The following NCKAP5 variants were observed in gnomAD, a reference collection of about 807,000 sequenced individuals.
NCKAP5 encodes the protein NCK associated protein 5.
In NCKAP5, 92 loss-of-function variants were observed where a neutral mutation model predicts 167.0. The observed-to-expected ratio is 0.55, with a 90% CI of 0.47 to 0.66. The LOEUF (loss-of-function observed/expected upper bound fraction) is 0.66. Ranked by LOEUF, NCKAP5 falls within the 30% of genes least tolerant of loss-of-function variation. The pLI is 0.00. For synonymous variants in NCKAP5, 891 were observed against 877.4 expected (o/e 1.02, Z -0.27); for missense variants, 2,378 against 2,315.0 (o/e 1.03, Z -0.56).
intron 16 of NCKAP5, among the ~76,000 whole-genome samples, chr2:132,771,973 G>T (rs140660019): frequency 7.1e-4 from 107 of 150,954 alleles, no homozygotes; most frequent in African/African-American, 2.5e-3. Context: ...TTACAGGTGT[G>T]AGCCACTGCA....
At chr2:133,119,264 A>T (rs1270046307) in intron 6 of NCKAP5, among the ~76,000 whole-genome samples, 3 of 152,172 alleles carry the variant, frequency 2.0e-5, no homozygotes, top group Non-Finnish European at 4.4e-5. Flanking sequence ...TCAGCCTCCC[A>T]AAGTGCTGGG....
chr2:133,535,025 A>G (rs1176706709), intron 2 of NCKAP5, among the ~76,000 whole-genome samples: 4 of 152,304 alleles, frequency 2.6e-5, no homozygotes, highest in Middle Eastern at 3.4e-3. Context: ...ATAGCCACTT[A>G]TAAGTGGGTA....
chr2:133,312,835 CTG>C (rs745319195), intron 3 of NCKAP5, among the ~76,000 whole-genome samples: 2 of 152,294 alleles, frequency 1.3e-5, no homozygotes, highest in East Asian at 1.9e-4. Flanking sequence ...ACATGGCAAA[CTG>C]TGAAATACGA....
At chr2:133,043,627 G>T (rs1206226319) in intron 6 of NCKAP5, among the ~76,000 whole-genome samples, 1 of 152,194 alleles carries the variant, frequency 6.6e-6, no homozygotes, top group Non-Finnish European at 1.5e-5. Flanking sequence ...AGGGCCACAG[G>T]TTAGACAAGC....
At chr2:133,328,557 A>G (rs1028786978) in intron 3 of NCKAP5, among the ~76,000 whole-genome samples, 18 of 152,242 alleles carry the variant, frequency 1.2e-4, no homozygotes, top group Admixed American at 1.1e-3. Flanking sequence ...CTGCCTGGGC[A>G]GTCCTTGACA....
intron 8 of NCKAP5, among the ~76,000 whole-genome samples, chr2:132,902,168 T>C (rs901655103): frequency 6.6e-6 from 1 of 152,220 alleles, no homozygotes; most frequent in Non-Finnish European, 1.5e-5. Flanking sequence ...TTGTCTGTAC[T>C]GGAATGAAGT....
chr2:132,818,124 T>C (rs894806896), intron 11 of NCKAP5, among the ~76,000 whole-genome samples: 2 of 152,162 alleles, frequency 1.3e-5, no homozygotes, highest in Non-Finnish European at 2.9e-5. Context: ...ATTTTTGTGT[T>C]TTTTGTAGAG....
chr2:133,048,525 T>C (rs1045829665), intron 6 of NCKAP5, among the ~76,000 whole-genome samples: 7 of 152,214 alleles, frequency 4.6e-5, no homozygotes, highest in African/African-American at 1.7e-4. Context: ...AATGGATACT[T>C]GTTTGTATCA....
intron 16 of NCKAP5, among the ~76,000 whole-genome samples, chr2:132,771,704 G>A (rs914222165): frequency 1.5e-4 from 22 of 149,988 alleles, no homozygotes; most frequent in East Asian, 3.9e-4. Context: ...ACAGAGTCTC[G>A]CTCTGTCACC....
intron 3 of NCKAP5, among the ~76,000 whole-genome samples, chr2:133,312,283 G>A (rs1043410563): frequency 1.3e-5 from 2 of 152,162 alleles, no homozygotes; most frequent in Non-Finnish European, 2.9e-5. Context: ...GACTAATGCC[G>A]ATCAGACTAT....
chr2:133,540,494 G>A (rs11886373), intron 2 of NCKAP5, among the ~76,000 whole-genome samples: 2,922 of 152,130 alleles, frequency 0.019, 102 homozygotes, highest in African/African-American at 0.067. Context: ...AAAAACACAC[G>A]TTTTTACCTT....
chr2:132,898,909 G>T (rs1223474998), intron 8 of NCKAP5, among the ~76,000 whole-genome samples: 1 of 152,152 alleles, frequency 6.6e-6, no homozygotes, highest in African/African-American at 2.4e-5. Flanking sequence ...TTTTTCAAAT[G>T]GTATATGAGC....
chr2:132,710,251 A>C (rs962755299), intron 19 of NCKAP5, among the ~76,000 whole-genome samples: 2 of 152,178 alleles, frequency 1.3e-5, no homozygotes, highest in African/African-American at 4.8e-5. Context: ...AATCTACCCC[A>C]AAACAAAACT....
intron 8 of NCKAP5, among the ~76,000 whole-genome samples, chr2:132,898,374 T>G (rs1693365039): frequency 6.6e-6 from 1 of 152,260 alleles, no homozygotes; most frequent in Admixed American, 6.5e-5. Flanking sequence ...CCCTTAAAAG[T>G]TATCCATTGG....
chr2:132,912,622 T>G (rs1558933347), intron 8 of NCKAP5, among the ~76,000 whole-genome samples: 1 of 152,326 alleles, frequency 6.6e-6, no homozygotes, highest in South Asian at 2.1e-4. Context: ...AATCAGGTCC[T>G]TCCAGAGGCT....
chr2:132,874,272 T>C (rs2044564), intron 9 of NCKAP5, among the ~76,000 whole-genome samples: 76,748 of 151,698 alleles, frequency 0.51, 19,950 homozygotes, highest in East Asian at 0.81. Flanking sequence ...CCATGCCTGG[T>C]TAATTTTCTG....
intron 19 of NCKAP5, among the ~76,000 whole-genome samples, chr2:132,692,015 CCT>C (rs1276427613): frequency 6.6e-6 from 1 of 152,152 alleles, no homozygotes; most frequent in Non-Finnish European, 1.5e-5. Context: ...TCTTACAAAA[CCT>C]CTGTTCAAAT....
At chr2:132,880,214 T>C (rs1170166695) in intron 8 of NCKAP5, among the ~76,000 whole-genome samples, 1 of 152,200 alleles carries the variant, frequency 6.6e-6, no homozygotes, top group African/African-American at 2.4e-5. Flanking sequence ...AGATAAAATA[T>C]ATAGTTAAAT....
chr2:132,928,555 T>G (rs1319205472), intron 8 of NCKAP5, among the ~76,000 whole-genome samples: 2 of 152,144 alleles, frequency 1.3e-5, no homozygotes, highest in Non-Finnish European at 2.9e-5. Context: ...AAAACTCAAG[T>G]GGGCAAGGGG....
Sources: allele counts gnomAD v4.1 joint callset (sites outside exome capture counted in the v4.1 genomes callset), GRCh38; gene constraint gnomAD v4.1.1; transcripts MANE v1.5; gene names NCBI Gene and HGNC (gene_info 2026-07-23, HGNC 2026-07-21).